Variants in COL28A1 observed in about 807,000 individuals in gnomAD.
The protein encoded by COL28A1 is collagen alpha-1(XXVIII) chain.
In COL28A1, 161 loss-of-function variants were observed where a neutral mutation model predicts 150.2. The observed-to-expected ratio is 1.07, with a 90% CI of 0.94 to 1.22. The LOEUF (loss-of-function observed/expected upper bound fraction) is 1.22, where lower values mean the gene tolerates loss of function less well. Among genes scored for constraint, COL28A1 ranks in the 50% most tolerant of loss-of-function variants. The pLI is 0.00. For synonymous variants in COL28A1, 552 were observed against 469.7 expected (o/e 1.18, Z -2.26); for missense variants, 1,617 against 1,388.3 (o/e 1.16, Z -2.62).
intron 31 of COL28A1, among the ~76,000 whole-genome samples, chr7:7,374,038 A>AATATATATATATATAT (rs60964603): frequency 8.8e-6 from 1 of 113,626 alleles, no homozygotes; most frequent in African/African-American, 3.8e-5. Flanking sequence ...AAAAAAAAAA[A>AATATATATATATATAT]ATATATATAT....
At chr7:7,505,670 T>C (rs997468502) in intron 11 of COL28A1, among the ~76,000 whole-genome samples, 4 of 151,738 alleles carry the variant, frequency 2.6e-5, no homozygotes, top group South Asian at 2.1e-4. Context: ...ATTTGAGAAA[T>C]AGAGTGGTTT....
At chr7:7,376,811 T>A (rs903828735) in intron 30 of COL28A1, among the ~76,000 whole-genome samples, 11 of 152,184 alleles carry the variant, frequency 7.2e-5, no homozygotes, top group African/African-American at 2.7e-4. Context: ...TCTGAAAAAC[T>A]TGATTACTGA....
In COL28A1 at chr7:7,378,284, G is replaced by T. The variant is rs138712961; in HGVS notation, c.2322+2376C>A. ...CACATTTGATAAACACATTCTTTCT[G>T]CTTAAAATAAAAACACTATTTTTTC... On this transcript the variant is annotated intron_variant, in intron 30 of 34. Coordinates refer to ENST00000399429, the MANE Select transcript of COL28A1 (RefSeq NM_001037763.3). Among the ~76,000 whole-genome samples the T allele has an allele frequency of 2.5e-4, 38 of 152,226 alleles. No homozygotes were observed. In the East Asian group the frequency reaches 6.6e-3, roughly 26 times the overall value.
the COL28A1 span, among the ~76,000 whole-genome samples, chr7:7,542,985 A>C: frequency 5.9e-5 from 9 of 152,224 alleles, no homozygotes; most frequent in Non-Finnish European, 1.0e-4. Context: ...AAAGTATTTA[A>C]TAACTGTCTC....
intron 13 of COL28A1, among the ~76,000 whole-genome samples, chr7:7,488,088 G>A (rs562611659): frequency 6.6e-5 from 10 of 152,074 alleles, no homozygotes; most frequent in African/African-American, 1.2e-4. Flanking sequence ...ATGTCAACCC[G>A]CAAAATCATA....
intron 18 of COL28A1, among the ~76,000 whole-genome samples, chr7:7,445,658 T>C (rs531900639): frequency 1.4e-4 from 21 of 152,272 alleles, no homozygotes; most frequent in Non-Finnish European, 2.8e-4. Context: ...AAAAATATGC[T>C]ACTTTCAATC....
At chr7:7,345,458 T>C in the COL28A1 span, among the ~76,000 whole-genome samples, 53 of 152,126 alleles carry the variant, frequency 3.5e-4, no homozygotes, top group African/African-American at 1.3e-3. Context: ...TTCCTTCCAG[T>C]AGATCCAAAT....
rs1789062013 is a variant in COL28A1 at position 7,478,020 on chromosome 7, A to G, written c.1165-840T>C. 2.0e-5 allele frequency among the ~76,000 whole-genome samples: 3 copies of G among 152,124 alleles called. No homozygotes were observed. In the South Asian group the frequency reaches 6.2e-4, roughly 32 times the overall value. Reference sequence around the variant, plus strand: ...AGAGTGTCGATTGGTATATTTACAAACCCTGAGCTAGACAGAGTGCTGATT... The same window carrying G: ...AGAGTGTCGATTGGTATATTTACAAGCCCTGAGCTAGACAGAGTGCTGATT... On this transcript the variant is annotated intron_variant, in intron 13 of 34. Coordinates refer to ENST00000399429, the MANE Select transcript of COL28A1 (RefSeq NM_001037763.3).
At chr7:7,420,458 G>T (rs1421444782) in intron 25 of COL28A1, 1 of 152,454 alleles carries the variant, frequency 6.6e-6, no homozygotes, top group Non-Finnish European at 1.5e-5. Context: ...AAAATTGGTG[G>T]TACCTGATGA....
chr7:7,524,713 T>C (rs1781926818), intron 3 of COL28A1, among the ~76,000 whole-genome samples: 1 of 152,200 alleles, frequency 6.6e-6, no homozygotes, highest in Non-Finnish European at 1.5e-5. Context: ...AATATAGTCA[T>C]AACTTCATGA....
At position 7,524,221 on chromosome 7, in the gene COL28A1, G is replaced by C. The variant is rs369070653; in HGVS notation, c.702+8C>G. 8 of 1,274,310 alleles carry C rather than the reference G, an allele frequency of 6.3e-6. No homozygotes were observed. Among genetic ancestry groups the C allele is most frequent in the Non-Finnish European group, 9.2e-6 (8 of 869,890 alleles). The allele number at this position is 1,274,310 out of a possible 1,614,324, so 78.9% of individuals were successfully genotyped here. ...TAATTCGTAGTAATCAAAGCATGTG[G>C]TGCTTACCTTCTTTTCAAATAAGAT... On this transcript the variant is annotated splice_region_variant and intron_variant, in intron 4 of 34. Coordinates refer to ENST00000399429, the MANE Select transcript of COL28A1 (RefSeq NM_001037763.3).
chr7:7,414,045 G>C (rs1400784236), intron 27 of COL28A1, among the ~76,000 whole-genome samples: 2 of 152,164 alleles, frequency 1.3e-5, no homozygotes, highest in Non-Finnish European at 2.9e-5. Context: ...GATGGAGATG[G>C]GGAAACTGGC....
intron 18 of COL28A1, 91 bp downstream of exon 18, chr7:7,452,228 A>C: frequency 6.5e-7 from 1 of 1,533,406 alleles, no homozygotes; most frequent in Non-Finnish European, 8.7e-7. Flanking sequence ...TAGATAACAC[A>C]CACAGAGTCT....
In COL28A1 at chr7:7,440,249, C is replaced by T. The variant is rs918862770; in HGVS notation, c.1722+541G>A. 2.6e-5 allele frequency among the ~76,000 whole-genome samples: 4 copies of T among 152,334 alleles called. No homozygotes were observed. In the South Asian group the frequency reaches 8.3e-4, roughly 32 times the overall value. On this transcript the variant is annotated intron_variant, in intron 21 of 34. Transcript: ENST00000399429. ...TCTCTGAATAATTCGATGTATTCAA[C>T]ACTTACTATATACCAGGAAATGTGC...
chr7:7,374,038 A>AAAAAAAAAAAAAAAATATAT, intron 31 of COL28A1, among the ~76,000 whole-genome samples: 20 of 113,618 alleles, frequency 1.8e-4, no homozygotes, highest in African/African-American at 7.6e-4. Flanking sequence ...AAAAAAAAAA[A>AAAAAAAAAAAAAAAATATAT]ATATATATAT....
intron 31 of COL28A1, among the ~76,000 whole-genome samples, chr7:7,374,728 G>C (rs2128285443): frequency 6.6e-6 from 1 of 152,222 alleles, no homozygotes. Flanking sequence ...CAGAAGCCAT[G>C]TCTAGATTGG....
At chr7:7,490,304 A>G (rs1779846720) in intron 12 of COL28A1, among the ~76,000 whole-genome samples, 1 of 152,252 alleles carries the variant, frequency 6.6e-6, no homozygotes, top group African/African-American at 2.4e-5. Flanking sequence ...AAAGTCCATG[A>G]AAACAACAGA....
In COL28A1 at chr7:7,441,540, AT is replaced by A. The variant is rs199716419; in HGVS notation, c.1651-680del. Among the ~76,000 whole-genome samples the A allele has an allele frequency of 5.7e-4, 85 of 148,240 alleles. No individual in the cohort carries two copies. The East Asian group carries it at 0.014, about 25-fold the overall frequency. On this transcript the variant is annotated intron_variant, in intron 20 of 34. Coordinates refer to ENST00000399429, the MANE Select transcript of COL28A1 (RefSeq NM_001037763.3). Reference sequence around the variant, plus strand: ...TCAACAAACGAAAAAAAAAAAAAAAATTCCTCGTGGTCTGCAGCTGAGGCTA... The same window carrying A: ...TCAACAAACGAAAAAAAAAAAAAAAATCCTCGTGGTCTGCAGCTGAGGCTA...
intron 27 of COL28A1, among the ~76,000 whole-genome samples, chr7:7,390,388 GT>G (rs1782468486): frequency 3.3e-5 from 5 of 152,172 alleles, no homozygotes; most frequent in Non-Finnish European, 7.3e-5. Context: ...GCTGGATTCA[GT>G]TTGCCAGTAT....
Sources: gnomAD v4.1 joint callset for allele counts (sites outside exome capture counted in the v4.1 genomes callset) on GRCh38, gnomAD v4.1.1 for gene constraint, MANE v1.5 for transcripts, NCBI Gene and HGNC (gene_info 2026-07-23, HGNC 2026-07-21) for gene names.